Variants in FRS2 observed in about 807,000 individuals in gnomAD.
The protein encoded by FRS2 is FGFR signalling adaptor.
FRS2 carries 8 observed loss-of-function variants against 43.9 expected under a neutral mutation model. The ratio of observed to expected loss-of-function variants is 0.18; its 90% CI spans 0.11 to 0.33. The LOEUF (loss-of-function observed/expected upper bound fraction) is 0.33. Ranked by LOEUF, FRS2 falls within the 10% of genes least tolerant of loss-of-function variation. The pLI is 1.00. For missense variants in FRS2, 534 were observed against 627.6 expected (o/e 0.85, Z 1.59); for synonymous variants, 219 against 220.3 (o/e 0.99, Z 0.05).
chr12:69,565,511 TAAA>T (rs1880216058), intron 4 of FRS2, among the ~76,000 whole-genome samples: 1 of 152,234 alleles, frequency 6.6e-6, no homozygotes, highest in Non-Finnish European at 1.5e-5. Context: ...ATATTTAGCT[TAAA>T]ACACACACAT....
rs763041830 is a variant in FRS2 at position 69,575,256 on chromosome 12, C to T, written c.*301C>T. 24 of 312,806 alleles carry T rather than the reference C, an allele frequency of 7.7e-5. No individual in the cohort carries two copies. Among genetic ancestry groups the T allele is most frequent in the Non-Finnish European group, 1.0e-4 (17 of 169,922 alleles). 19.4% of individuals were successfully genotyped at this position (312,806 alleles called of 1,614,324 possible). ...ATTTTTATCAATATTCTGGACTTAA[C>T]GCATACCTTTCATGTCTAAGTCATG... On this transcript the variant is annotated 3_prime_UTR_variant, in exon 9 of 9. Coordinates refer to ENST00000549921, the MANE Select transcript of FRS2 (RefSeq NM_001278356.2).
At chr12:69,549,503 T>C (rs1878689507) in intron 3 of FRS2, among the ~76,000 whole-genome samples, 2 of 152,178 alleles carry the variant, frequency 1.3e-5, no homozygotes, top group South Asian at 4.1e-4. Context: ...ATTCATTTTG[T>C]TTTTAGAGAC....
intron 4 of FRS2, 51 bp from the exon 5 acceptor site, chr12:69,568,954 A>G: frequency 2.4e-6 from 2 of 850,876 alleles, no homozygotes; most frequent in South Asian, 1.6e-5. Flanking sequence ...TTCTGTTTAC[A>G]GTTTTTGTAT....
At chr12:69,549,869 G>T (rs907710097) in intron 3 of FRS2, among the ~76,000 whole-genome samples, 2 of 152,184 alleles carry the variant, frequency 1.3e-5, no homozygotes, top group Admixed American at 6.5e-5. Context: ...ACTCTTGGGG[G>T]TTGTCCTCTT....
At chr12:69,542,881 A>G (rs1393124124) in intron 3 of FRS2, among the ~76,000 whole-genome samples, 1 of 152,218 alleles carries the variant, frequency 6.6e-6, no homozygotes, top group Admixed American at 6.5e-5. Context: ...CAGGACTGCA[A>G]AACGTCAAAG....
chr12:69,564,090 T>C (rs558066591), intron 4 of FRS2, among the ~76,000 whole-genome samples: 32 of 152,294 alleles, frequency 2.1e-4, no homozygotes, highest in Admixed American at 1.1e-3. Context: ...CTCTATTCTT[T>C]ATTTTCTCAA....
At chr12:69,549,597 C>A (rs1455272197) in intron 3 of FRS2, among the ~76,000 whole-genome samples, 1 of 152,202 alleles carries the variant, frequency 6.6e-6, no homozygotes, top group Non-Finnish European at 1.5e-5. Context: ...GAACTCAGTT[C>A]TTTGTTGGGC....
chr12:69,523,326 G>A (rs924208959), intron 1 of FRS2, among the ~76,000 whole-genome samples: 25 of 152,144 alleles, frequency 1.6e-4, no homozygotes, highest in African/African-American at 5.1e-4. Flanking sequence ...ACCTTTTACC[G>A]TTATGTAATG....
chr12:69,536,173 G>A (rs886117342), intron 3 of FRS2, among the ~76,000 whole-genome samples: 5 of 126,206 alleles, frequency 4.0e-5, no homozygotes, highest in Non-Finnish European at 6.3e-5. Flanking sequence ...TACCCAGGCT[G>A]GAGTGTAGTG....
At chr12:69,557,548 G>A (rs933301092) in intron 3 of FRS2, among the ~76,000 whole-genome samples, 3 of 151,068 alleles carry the variant, frequency 2.0e-5, no homozygotes, top group African/African-American at 7.3e-5. Context: ...CCCTGTATAT[G>A]TTTTTATACT....
intron 1 of FRS2, among the ~76,000 whole-genome samples, chr12:69,508,462 C>T (rs1003963267): frequency 6.6e-6 from 1 of 152,098 alleles, no homozygotes; most frequent in Non-Finnish European, 1.5e-5. Flanking sequence ...TGATTGGCCT[C>T]ACTATTACTG....
intron 1 of FRS2, among the ~76,000 whole-genome samples, chr12:69,490,499 A>T (rs1217057129): frequency 7.5e-6 from 1 of 132,654 alleles, no homozygotes; most frequent in Non-Finnish European, 1.6e-5. Flanking sequence ...TCTTGTTTTT[A>T]ACTGCCTTTT....
chr12:69,477,428 G>A (rs904939152), intron 1 of FRS2, among the ~76,000 whole-genome samples: 1 of 151,606 alleles, frequency 6.6e-6, no homozygotes, highest in South Asian at 2.1e-4. Context: ...GACTACAGGC[G>A]CCCGCCAACA....
chr12:69,530,649 G>A (rs1876696067), intron 1 of FRS2, among the ~76,000 whole-genome samples: 1 of 152,078 alleles, frequency 6.6e-6, no homozygotes, highest in Admixed American at 6.5e-5. Flanking sequence ...AGGCTGAGGT[G>A]GGAGGATCGC....
At chr12:69,497,646 G>A (rs544026958) in intron 1 of FRS2, among the ~76,000 whole-genome samples, 3 of 152,332 alleles carry the variant, frequency 2.0e-5, no homozygotes, top group Admixed American at 6.5e-5. Flanking sequence ...CAGATGATAA[G>A]GAAAGGGCTT....
chr12:69,536,480 A>G (rs752823288), intron 3 of FRS2, among the ~76,000 whole-genome samples: 2 of 151,114 alleles, frequency 1.3e-5, no homozygotes, highest in Non-Finnish European at 2.9e-5. Flanking sequence ...AAATAGAATA[A>G]GGTTGAGTTT....
At chr12:69,573,276 A>G (rs499555) in intron 8 of FRS2, among the ~76,000 whole-genome samples, 14,171 of 152,254 alleles carry the variant, frequency 0.093, 872 homozygotes, top group Non-Finnish European at 0.14. Context: ...CTTCTTATAC[A>G]TTCAGATCAT....
At chr12:69,476,727 G>C (rs1332186505) in intron 1 of FRS2, among the ~76,000 whole-genome samples, 3 of 148,010 alleles carry the variant, frequency 2.0e-5, no homozygotes, top group African/African-American at 7.6e-5. Flanking sequence ...GTTCACTTGG[G>C]TGGGCAGGCG....
At chr12:69,558,453 T>C (rs957772759) in intron 3 of FRS2, among the ~76,000 whole-genome samples, 2 of 152,230 alleles carry the variant, frequency 1.3e-5, no homozygotes, top group African/African-American at 4.8e-5. Context: ...ATGTGCCTTC[T>C]TTCCTACCTA....
Sources: allele counts gnomAD v4.1 joint callset (sites outside exome capture counted in the v4.1 genomes callset), GRCh38; gene constraint gnomAD v4.1.1; transcripts MANE v1.5; gene names NCBI Gene and HGNC (gene_info 2026-07-23, HGNC 2026-07-21).